Variants in SERPINE2 observed in about 807,000 individuals in gnomAD.
The protein encoded by SERPINE2 is glia-derived nexin.
SERPINE2 carries 14 observed loss-of-function variants against 36.3 expected under a neutral mutation model. The ratio of observed to expected loss-of-function variants is 0.39; its 90% CI spans 0.25 to 0.60. The LOEUF is 0.60. Among genes scored for constraint, SERPINE2 ranks in the 20% least tolerant of loss-of-function variants. The pLI is 0.57. For synonymous variants in SERPINE2, 192 were observed against 191.8 expected (o/e 1.00, Z -0.01); for missense variants, 418 against 499.6 (o/e 0.84, Z 1.56).
chr2:224,037,543 G>T (rs1477985324), intron 1 of SERPINE2, among the ~76,000 whole-genome samples: 2 of 152,190 alleles, frequency 1.3e-5, no homozygotes, highest in African/African-American at 4.8e-5. Context: ...ATGGACTTTA[G>T]GTCTAGAGGA....
intron 2 of SERPINE2, among the ~76,000 whole-genome samples, chr2:224,001,198 GCCA>G (rs1691108768): frequency 6.6e-6 from 1 of 152,090 alleles, no homozygotes. Flanking sequence ...GATTTGTGTG[GCCA>G]CCACCACAAT....
intron 1 of SERPINE2, among the ~76,000 whole-genome samples, chr2:224,007,167 A>G (rs1257715461): frequency 6.6e-6 from 1 of 152,258 alleles, no homozygotes; most frequent in Non-Finnish European, 1.5e-5. Context: ...TCTATGTAGC[A>G]TAATAAGTAA....
At chr2:223,997,865 G>A (rs1317311193) in intron 3 of SERPINE2, among the ~76,000 whole-genome samples, 1 of 152,192 alleles carries the variant, frequency 6.6e-6, no homozygotes, top group Non-Finnish European at 1.5e-5. Flanking sequence ...ATATGGCAAG[G>A]AGAGGAGACA....
chr2:224,005,102 A>G (rs1691376199), intron 1 of SERPINE2, among the ~76,000 whole-genome samples: 1 of 115,342 alleles, frequency 8.7e-6, no homozygotes, highest in Non-Finnish European at 1.8e-5. Flanking sequence ...TATATAAAAC[A>G]TTGTAAAAAC....
At chr2:224,037,473 T>C (rs992899990) in intron 1 of SERPINE2, among the ~76,000 whole-genome samples, 13 of 152,034 alleles carry the variant, frequency 8.6e-5, no homozygotes, top group African/African-American at 3.1e-4. Flanking sequence ...GTAGCTGGAG[T>C]ACATGGAAGA....
intron 4 of SERPINE2, among the ~76,000 whole-genome samples, chr2:223,989,886 G>A (rs1272351230): frequency 2.0e-5 from 3 of 152,180 alleles, no homozygotes; most frequent in African/African-American, 4.8e-5. Flanking sequence ...ATTTGATGAA[G>A]GACCAGTTGT....
chr2:224,025,265 G>A (rs1692145999), intron 1 of SERPINE2, among the ~76,000 whole-genome samples: 1 of 152,168 alleles, frequency 6.6e-6, no homozygotes, highest in Admixed American at 6.5e-5. Flanking sequence ...TCAGAGTGCA[G>A]GATTGGCACT....
At chr2:223,986,992 TC>T (rs1174722863) in intron 4 of SERPINE2, among the ~76,000 whole-genome samples, 2 of 152,134 alleles carry the variant, frequency 1.3e-5, no homozygotes, top group African/African-American at 4.8e-5. Context: ...TTCTACCTGG[TC>T]ACTCAAGTAC....
intron 1 of SERPINE2, among the ~76,000 whole-genome samples, chr2:224,034,034 T>C (rs923088614): frequency 3.9e-5 from 6 of 152,208 alleles, no homozygotes; most frequent in African/African-American, 1.4e-4. Flanking sequence ...CACTCTTCCA[T>C]AAAGCATGCA....
At chr2:223,979,682 A>C (rs528882114) in intron 7 of SERPINE2, 1 of 152,396 alleles carries the variant, frequency 6.6e-6, no homozygotes, top group Admixed American at 6.5e-5. Flanking sequence ...ATTATCAAGG[A>C]AGGCTGTACA....
chr2:224,003,463 GAATT>G (rs1008001697), intron 1 of SERPINE2, among the ~76,000 whole-genome samples: 3 of 152,150 alleles, frequency 2.0e-5, no homozygotes, highest in Admixed American at 1.3e-4. Context: ...TAAAATTAAA[GAATT>G]ATTAATTAAA....
At chr2:223,980,580 C>T in intron 6 of SERPINE2, 183 bp from the exon 7 acceptor site, 1 of 573,510 alleles carries the variant, frequency 1.7e-6, no homozygotes. Context: ...AATTTCAGTC[C>T]CTGCTAAGTG....
chr2:223,997,148 C>A (rs1391458272), intron 3 of SERPINE2, among the ~76,000 whole-genome samples: 1 of 152,160 alleles, frequency 6.6e-6, no homozygotes, highest in African/African-American at 2.4e-5. Flanking sequence ...TTGTTCCAGA[C>A]CTACAGCTCC....
chr2:224,002,865 G>A (rs1048409294), intron 1 of SERPINE2, among the ~76,000 whole-genome samples: 2 of 151,868 alleles, frequency 1.3e-5, no homozygotes, highest in South Asian at 2.1e-4. Context: ...ACTGGGTGTC[G>A]GACCCTTTTC....
intron 7 of SERPINE2, 132 bp from the exon 8 acceptor site, chr2:223,977,759 G>T: frequency 1.5e-6 from 1 of 660,968 alleles, no homozygotes. Context: ...TGTTCCATAG[G>T]CTGGCCATGT....
intron 1 of SERPINE2, chr2:224,031,274 G>A: frequency 1.0e-6 from 1 of 985,220 alleles, no homozygotes; most frequent in Non-Finnish European, 1.2e-6. Context: ...CCCACATACT[G>A]CGTGACCGTG....
intron 3 of SERPINE2, among the ~76,000 whole-genome samples, chr2:223,992,395 T>C (rs1690711701): frequency 6.6e-6 from 1 of 152,142 alleles, no homozygotes; most frequent in Non-Finnish European, 1.5e-5. Flanking sequence ...ATAGTAAGGG[T>C]TTCTGGTCAG....
chr2:224,001,949 A>C, intron 1 of SERPINE2, 27 bp from the exon 2 acceptor site: 1 of 1,572,790 alleles, frequency 6.4e-7, no homozygotes, highest in Non-Finnish European at 8.6e-7. Context: ...AAAAATATTT[A>C]AATTATACTT....
intron 1 of SERPINE2, 90 bp from the exon 2 acceptor site, chr2:224,002,012 T>G (rs1340131569): frequency 8.1e-6 from 10 of 1,231,232 alleles, no homozygotes; most frequent in Non-Finnish European, 1.1e-5. Context: ...AGACTCGTTC[T>G]TTCACCCAGG....
Sources: gnomAD v4.1 joint callset for allele counts (sites outside exome capture counted in the v4.1 genomes callset) on GRCh38, gnomAD v4.1.1 for gene constraint, MANE v1.5 for transcripts, NCBI Gene and HGNC (gene_info 2026-07-23, HGNC 2026-07-21) for gene names.